LRRC4C: variants seen among roughly 807,000 people sequenced by gnomAD.
The protein encoded by LRRC4C is leucine rich repeat containing 4C, also known as leucine-rich repeat-containing protein 4C.
LRRC4C carries 5 observed loss-of-function variants against 33.6 expected under a neutral mutation model. That is an observed-to-expected ratio of 0.15 (90% confidence interval 0.08 to 0.31). LRRC4C has a LOEUF of 0.31. Among genes scored for constraint, LRRC4C ranks in the 10% least tolerant of loss-of-function variants. The probability of loss-of-function intolerance (pLI) is 1.00; values close to 1 mark genes in which losing one functional copy is unlikely to be tolerated. For synonymous variants in LRRC4C, 329 were observed against 302.0 expected, an observed-to-expected ratio of 1.09 and a Z score of -0.93; for missense variants, 560 against 796.7, an observed-to-expected ratio of 0.70 and a Z score of 3.58.
intron 1 of LRRC4C, among the ~76,000 whole-genome samples, chr11:41,144,408 C>T (rs137878781): frequency 6.6e-5 from 10 of 152,134 alleles, no homozygotes; most frequent in African/African-American, 2.4e-4. Flanking sequence ...ATAGAACCAG[C>T]TTGAAGCTGT....
At chr11:41,176,638 A>G (rs959425458) in intron 1 of LRRC4C, among the ~76,000 whole-genome samples, 1 of 152,194 alleles carries the variant, frequency 6.6e-6, no homozygotes, top group Non-Finnish European at 1.5e-5. Flanking sequence ...AGTTATAAAT[A>G]CTGTAAAGAT....
At chr11:40,897,530 A>T (rs867040682) in intron 2 of LRRC4C, among the ~76,000 whole-genome samples, 1 of 152,206 alleles carries the variant, frequency 6.6e-6, no homozygotes, top group East Asian at 1.9e-4. Flanking sequence ...AAGAAAATTT[A>T]AAATGTATAG....
At chr11:40,564,072 A>G (rs1005868509) in intron 3 of LRRC4C, among the ~76,000 whole-genome samples, 4 of 152,194 alleles carry the variant, frequency 2.6e-5, no homozygotes, top group African/African-American at 7.2e-5. Context: ...TCCAGAAGAG[A>G]ACTCCTGGGA....
At chr11:41,133,798 C>T (rs1182444740) in intron 1 of LRRC4C, among the ~76,000 whole-genome samples, 1 of 152,154 alleles carries the variant, frequency 6.6e-6, no homozygotes. Flanking sequence ...TTAAAGCATT[C>T]TTTTCTGCAG....
intron 2 of LRRC4C, among the ~76,000 whole-genome samples, chr11:40,896,269 T>C (rs1390567889): frequency 6.6e-6 from 1 of 152,156 alleles, no homozygotes; most frequent in African/African-American, 2.4e-5. Flanking sequence ...CCCTGCACAC[T>C]GTAGGAATTA....
intron 1 of LRRC4C, among the ~76,000 whole-genome samples, chr11:41,400,473 C>T (rs1053123523): frequency 6.6e-6 from 1 of 151,830 alleles, no homozygotes; most frequent in African/African-American, 2.4e-5. Flanking sequence ...GGTCATCTTC[C>T]TGTGTCCCTG....
intron 1 of LRRC4C, among the ~76,000 whole-genome samples, chr11:41,126,951 T>G (rs1174020700): frequency 6.6e-6 from 1 of 152,180 alleles, no homozygotes. Flanking sequence ...ATTGTTACTT[T>G]AAGCCACTAT....
At chr11:41,123,256 GTTTTGTTTTTTTTTTTTTT>G (rs1420464677) in intron 1 of LRRC4C, among the ~76,000 whole-genome samples, 4 of 107,158 alleles carry the variant, frequency 3.7e-5, no homozygotes, top group African/African-American at 1.6e-4. Flanking sequence ...CCTGAGCTAT[GTTTTGTTTTTTTTTTTTTT>G]TTTTTTTTTT....
chr11:40,410,904 A>G (rs1950134119), intron 3 of LRRC4C, among the ~76,000 whole-genome samples: 2 of 152,146 alleles, frequency 1.3e-5, no homozygotes, highest in Admixed American at 6.6e-5. Flanking sequence ...TTCTTATTAT[A>G]CCCATGAGAA....
chr11:41,056,895 C>T (rs1223797695), intron 1 of LRRC4C, among the ~76,000 whole-genome samples: 2 of 152,216 alleles, frequency 1.3e-5, no homozygotes, highest in Non-Finnish European at 2.9e-5. Context: ...CTGCATGCTT[C>T]ATGGAGCCAG....
rs548571780 is a variant in LRRC4C, at chr11:40,373,757, T to C, written c.-269-54036A>G. The stretch of plus-strand genomic sequence containing the variant: ...AGCTGGTTACTCAAAGGAGCTTGGC[T>C]CCTACTCCTGTTGCTCTTACTTCCT... On this transcript the variant is annotated intron_variant, in intron 3 of 6. Coordinates refer to ENST00000528697, the MANE Select transcript of LRRC4C (RefSeq NM_001258419.2). 5.3e-5 allele frequency among the ~76,000 whole-genome samples: 8 copies of C among 152,226 alleles called. No homozygotes were observed. In the South Asian group the frequency reaches 1.7e-3, roughly 32 times the overall value.
At chr11:40,556,627 A>C (rs1957343282) in intron 3 of LRRC4C, among the ~76,000 whole-genome samples, 1 of 152,106 alleles carries the variant, frequency 6.6e-6, no homozygotes, top group African/African-American at 2.4e-5. Context: ...GGCTTTGTGG[A>C]TGATCTACCA....
At position 40,136,636 on chromosome 11, in the gene LRRC4C, G is replaced by A. The variant is rs909211900; in HGVS notation, c.-43+4165C>T. Among the ~76,000 whole-genome samples the A allele has an allele frequency of 6.6e-5, 10 of 152,056 alleles. No individual in the cohort carries two copies. In the East Asian group the frequency reaches 1.7e-3, roughly 26 times the overall value. On this transcript the variant is annotated intron_variant, in intron 6 of 6. Coordinates refer to ENST00000528697, the MANE Select transcript of LRRC4C (RefSeq NM_001258419.2). ...TCCCAAGGCTACCAAGATGACCTGT[G>A]AAGGCATGGAAGAAAAATACTAAAA...
intron 1 of LRRC4C, among the ~76,000 whole-genome samples, chr11:41,367,195 A>G (rs1003136099): frequency 1.3e-5 from 2 of 152,136 alleles, no homozygotes; most frequent in Non-Finnish European, 2.9e-5. Flanking sequence ...TAGTCAATGG[A>G]CTGACTTTTG....
intron 3 of LRRC4C, among the ~76,000 whole-genome samples, chr11:40,544,617 A>T (rs1481232966): frequency 6.6e-6 from 1 of 152,148 alleles, no homozygotes; most frequent in Non-Finnish European, 1.5e-5. Flanking sequence ...CTTCATTACC[A>T]AATTAGGGAT....
chr11:40,516,083 T>C lies in LRRC4C; in HGVS notation c.-270+132059A>G, dbSNP rs61588922. Among the ~76,000 whole-genome samples the C allele has an allele frequency of 8.8e-3, 1,335 of 152,190 alleles. 10 individuals carry two copies. The highest frequency in any genetic ancestry group is 0.03 in the African/African-American group (1,267 of 41,546). On this transcript the variant is annotated intron_variant, in intron 3 of 6. Coordinates refer to ENST00000528697, the MANE Select transcript of LRRC4C (RefSeq NM_001258419.2). ...GGGTATGGGGGAAATATTTTTTTTC[T>C]TTTTAAATAATATTTGAGAAAGCAA...
At chr11:41,048,257 T>A (rs1192950906) in intron 1 of LRRC4C, among the ~76,000 whole-genome samples, 2 of 114,298 alleles carry the variant, frequency 1.7e-5, no homozygotes, top group Non-Finnish European at 3.4e-5. Flanking sequence ...TTTAGATTCT[T>A]TACTTTTTTT....
At chr11:41,018,002 G>C (rs1391404318) in intron 1 of LRRC4C, among the ~76,000 whole-genome samples, 1 of 151,898 alleles carries the variant, frequency 6.6e-6, no homozygotes, top group Non-Finnish European at 1.5e-5. Context: ...TCTTCAAGAT[G>C]ATAATCCATC....
intron 2 of LRRC4C, among the ~76,000 whole-genome samples, chr11:40,898,898 G>T (rs1328377008): frequency 6.6e-6 from 1 of 152,078 alleles, no homozygotes; most frequent in African/African-American, 2.4e-5. Context: ...AAGCTACTTG[G>T]TATCTGCAGA....
Sources: gnomAD v4.1 joint callset for allele counts (sites outside exome capture counted in the v4.1 genomes callset) on GRCh38, gnomAD v4.1.1 for gene constraint, MANE v1.5 for transcripts, NCBI Gene and HGNC (gene_info 2026-07-23, HGNC 2026-07-21) for gene names.